Variants in LIN28B observed in about 807,000 individuals in gnomAD.
LIN28B encodes lin-28 RNA binding posttranscriptional regulator B.
In LIN28B, 5 loss-of-function variants were observed where a neutral mutation model predicts 21.9. The observed-to-expected ratio is 0.23, with a 90% CI of 0.12 to 0.48. The LOEUF (loss-of-function observed/expected upper bound fraction) is 0.48. Ranked by LOEUF, LIN28B falls within the 20% of genes least tolerant of loss-of-function variation. The pLI is 0.98. For missense variants in LIN28B, 245 were observed against 310.5 expected, an observed-to-expected ratio of 0.79 and a Z score of 1.58; for synonymous variants, 109 against 111.3, an observed-to-expected ratio of 0.98 and a Z score of 0.13.
chr6:105,013,075 G>A (rs530519809), intron 2 of LIN28B, among the ~76,000 whole-genome samples: 1 of 152,214 alleles, frequency 6.6e-6, no homozygotes, highest in East Asian at 1.9e-4. Context: ...GGGTGCAATG[G>A]CGCAATCTCA....
At chr6:104,972,975 G>T (rs140292491) in intron 2 of LIN28B, among the ~76,000 whole-genome samples, 2,605 of 152,196 alleles carry the variant, frequency 0.017, 76 homozygotes, top group African/African-American at 0.06. Context: ...GCCAGGTGTG[G>T]TGGCAGGCGC....
At chr6:104,946,614 C>T (rs540069843) in intron 2 of LIN28B, among the ~76,000 whole-genome samples, 4 of 151,928 alleles carry the variant, frequency 2.6e-5, no homozygotes, top group Non-Finnish European at 5.9e-5. Flanking sequence ...CAGTATTGTG[C>T]TTTGGGTTTT....
At chr6:105,035,395 T>C (rs1260396037) in intron 3 of LIN28B, among the ~76,000 whole-genome samples, 1 of 152,114 alleles carries the variant, frequency 6.6e-6, no homozygotes, top group African/African-American at 2.4e-5. Context: ...GGCAGAGAAA[T>C]CTTTCAGGCA....
chr6:105,070,444 C>T (rs1199433678), intron 3 of LIN28B, among the ~76,000 whole-genome samples: 1 of 152,026 alleles, frequency 6.6e-6, no homozygotes, highest in Non-Finnish European at 1.5e-5. Context: ...CAAAAATTTA[C>T]AGAGTAAAAG....
At chr6:105,069,553 C>G (rs1173992706) in intron 3 of LIN28B, among the ~76,000 whole-genome samples, 1 of 150,794 alleles carries the variant, frequency 6.6e-6, no homozygotes. Context: ...AGTGACAGCC[C>G]GTCTCTACAA....
At chr6:105,014,572 C>G (rs1236500199) in intron 2 of LIN28B, among the ~76,000 whole-genome samples, 5 of 152,156 alleles carry the variant, frequency 3.3e-5, no homozygotes, top group Admixed American at 2.0e-4. Flanking sequence ...ATCTGCCCAC[C>G]TCAGCTTCCT....
At chr6:105,046,675 C>T (rs967868844) in intron 3 of LIN28B, among the ~76,000 whole-genome samples, 1 of 152,082 alleles carries the variant, frequency 6.6e-6, no homozygotes, top group Non-Finnish European at 1.5e-5. Context: ...CTCTCCAGCA[C>T]CTGTTGTTTC....
At chr6:105,057,368 A>G (rs955959299) in intron 3 of LIN28B, among the ~76,000 whole-genome samples, 1 of 152,152 alleles carries the variant, frequency 6.6e-6, no homozygotes, top group Non-Finnish European at 1.5e-5. Context: ...CATCATCACT[A>G]TCATCTGCCA....
chr6:104,966,358 C>A (rs1244000516), intron 2 of LIN28B, among the ~76,000 whole-genome samples: 3 of 151,988 alleles, frequency 2.0e-5, no homozygotes, highest in Non-Finnish European at 4.4e-5. Context: ...TGAAATAATA[C>A]ACATGAAAAT....
At chr6:104,959,093 C>T (rs544732633) in intron 2 of LIN28B, among the ~76,000 whole-genome samples, 1 of 152,254 alleles carries the variant, frequency 6.6e-6, no homozygotes, top group East Asian at 1.9e-4. Context: ...CATTGCTTCC[C>T]ATTTTCAAAA....
intron 2 of LIN28B, among the ~76,000 whole-genome samples, chr6:104,978,153 G>GC (rs915761778): frequency 1.3e-5 from 2 of 152,116 alleles, no homozygotes; most frequent in African/African-American, 2.4e-5. Context: ...TTGGGCTACT[G>GC]CCCCCCACCT....
chr6:105,009,856 AAGAGT>A (rs1770887057), intron 2 of LIN28B, among the ~76,000 whole-genome samples: 1 of 152,212 alleles, frequency 6.6e-6, no homozygotes, highest in Non-Finnish European at 1.5e-5. Context: ...CTCAGCAGCC[AAGAGT>A]ATAGTCTGAA....
At chr6:104,970,049 G>A (rs1582870869) in intron 2 of LIN28B, among the ~76,000 whole-genome samples, 1 of 152,150 alleles carries the variant, frequency 6.6e-6, no homozygotes. Context: ...GTGTGCCAGT[G>A]GGGGATGGTG....
chr6:104,938,086 G>GA (rs1227207415), intron 2 of LIN28B, among the ~76,000 whole-genome samples: 21 of 131,492 alleles, frequency 1.6e-4, no homozygotes, highest in Admixed American at 4.5e-4. Flanking sequence ...AAATTAGGCA[G>GA]AAAAAAACCA....
chr6:104,953,259 C>T (rs1244696680), upstream of LIN28B, among the ~76,000 whole-genome samples: 1 of 152,052 alleles, frequency 6.6e-6, no homozygotes, highest in African/African-American at 2.4e-5. Context: ...CGCGGCTTCC[C>T]GAAAGGACGG....
chr6:105,074,356 C>G (rs1018570381), intron 3 of LIN28B, among the ~76,000 whole-genome samples: 5 of 152,124 alleles, frequency 3.3e-5, no homozygotes, highest in African/African-American at 1.2e-4. Context: ...CGCCACCATG[C>G]CCGGCTAATT....
chr6:105,064,834 A>G (rs1052823808), intron 3 of LIN28B, among the ~76,000 whole-genome samples: 1 of 152,216 alleles, frequency 6.6e-6, no homozygotes, highest in Admixed American at 6.5e-5. Context: ...TTCTTCATGG[A>G]AAGTTCCTCC....
intron 3 of LIN28B, among the ~76,000 whole-genome samples, chr6:105,062,328 A>C (rs1160642943): frequency 6.6e-6 from 1 of 152,132 alleles, no homozygotes; most frequent in Non-Finnish European, 1.5e-5. Context: ...GTTTTTGATT[A>C]TGTCATTTTT....
At chr6:105,045,286 T>G (rs887973029) in intron 3 of LIN28B, among the ~76,000 whole-genome samples, 2 of 140,778 alleles carry the variant, frequency 1.4e-5, no homozygotes, top group Admixed American at 7.0e-5. Context: ...GTCATTCTGT[T>G]TTTTTTTTTT....
Sources: allele counts gnomAD v4.1 joint callset (sites outside exome capture counted in the v4.1 genomes callset), GRCh38; gene constraint gnomAD v4.1.1; transcripts MANE v1.5; gene names NCBI Gene and HGNC (gene_info 2026-07-23, HGNC 2026-07-21).